Variants in SMC3 observed in about 807,000 individuals in gnomAD.
The protein encoded by SMC3 is structural maintenance of chromosomes 3, also known as structural maintenance of chromosomes protein 3.
A neutral mutation model predicts 171.8 loss-of-function variants in SMC3; 20 were observed. That is an observed-to-expected ratio of 0.12 (90% confidence interval 0.08 to 0.17). The LOEUF (loss-of-function observed/expected upper bound fraction) is 0.17. Among genes scored for constraint, SMC3 ranks in the 10% least tolerant of loss-of-function variants. SMC3 has a pLI of 1.00. For synonymous variants in SMC3, 464 were observed against 451.1 expected, an observed-to-expected ratio of 1.03 and a Z score of -0.36; for missense variants, 543 against 1,420.4, an observed-to-expected ratio of 0.38 and a Z score of 9.93.
At chr10:110,570,601 GTT>G (rs1303228313) in intron 2 of SMC3, among the ~76,000 whole-genome samples, 8 of 151,950 alleles carry the variant, frequency 5.3e-5, no homozygotes, top group Non-Finnish European at 1.0e-4. Context: ...TTAGATTTCT[GTT>G]TTCTTTAACT....
rs543051199 is a variant in SMC3 at position 110,604,110 on chromosome 10, A to C, written c.3583-121A>C. ...ACTCCATCTCAAAAAAAAAAAAAAA[A>C]AAAAAAACTAAAAATTAAAAAATGT... On this transcript the variant is annotated intron_variant, in intron 28 of 28. Transcript: ENST00000361804. 148 of 534,878 alleles carry C rather than the reference A, an allele frequency of 2.8e-4. No individual in the cohort carries two copies. The East Asian group carries it at 3.7e-3, about 13-fold the overall frequency. The allele number at this position is 534,878 out of a possible 1,614,324, so 33.1% of individuals were successfully genotyped here. A position where few individuals can be genotyped will look rare whatever the true frequency, so the allele number is the denominator to read the frequency against.
At chr10:110,568,836 GT>G (rs1460664711) in intron 1 of SMC3, 101 bp from the exon 2 acceptor site, 3 of 702,782 alleles carry the variant, frequency 4.3e-6, no homozygotes, top group Non-Finnish European at 7.5e-6. Flanking sequence ...GAAATTTCGA[GT>G]TTTCTATATT....
At chr10:110,575,207 A>G in intron 3 of SMC3, 129 bp from the exon 4 acceptor site, 1 of 713,342 alleles carries the variant, frequency 1.4e-6, no homozygotes, top group Non-Finnish European at 2.5e-6. Flanking sequence ...CCTTTTGTCC[A>G]TATGAAACAG....
At chr10:110,585,569 G>A (rs1257371621) in intron 13 of SMC3, among the ~76,000 whole-genome samples, 5 of 151,682 alleles carry the variant, frequency 3.3e-5, no homozygotes, top group African/African-American at 9.7e-5. Context: ...GATTGCAGGC[G>A]TGAGCCACCA....
chr10:110,582,540 G>A (rs1303864853), intron 9 of SMC3, 22 bp from the exon 10 acceptor site: 22 of 1,569,118 alleles, frequency 1.4e-5, no homozygotes, highest in Non-Finnish European at 1.8e-5. Flanking sequence ...AGTTAGATAT[G>A]ATAAGTTGTT....
chr10:110,596,915 G>A (rs1421739081), intron 19 of SMC3, among the ~76,000 whole-genome samples: 1 of 151,050 alleles, frequency 6.6e-6, no homozygotes, highest in Non-Finnish European at 1.5e-5. Context: ...AAGAGATACT[G>A]TTTTAAGGAA....
intron 18 of SMC3, among the ~76,000 whole-genome samples, chr10:110,594,104 G>T (rs1414609216): frequency 1.6e-4 from 1 of 6,434 alleles, no homozygotes; most frequent in Non-Finnish European, 7.8e-4. Flanking sequence ...TCTGAAATGT[G>T]ATCATATAGC....
At chr10:110,596,000 G>C (rs2134744634) in intron 18 of SMC3, among the ~76,000 whole-genome samples, 1 of 140,626 alleles carries the variant, frequency 7.1e-6, no homozygotes, top group East Asian at 2.1e-4. Context: ...ATACTTAAGA[G>C]GCTAAAGCAT....
At chr10:110,596,353 G>T (rs1225539185) in intron 18 of SMC3, 45 bp from the exon 19 acceptor site, 1 of 1,528,378 alleles carries the variant, frequency 6.5e-7, no homozygotes, top group South Asian at 1.3e-5. Context: ...ATTTATCATT[G>T]AATAAAAAAG....
At chr10:110,600,586 G>C (rs769825810) in intron 22 of SMC3, 40 bp downstream of exon 22, 13 of 984,298 alleles carry the variant, frequency 1.3e-5, no homozygotes, top group Non-Finnish European at 2.0e-5. Context: ...AGGGCTCCTT[G>C]GTGGCCATGA....
rs1479533016 is a variant in SMC3 at position 110,602,561 on chromosome 10, A to C, written c.3193A>C (p.Ser1065Arg). The C allele has an allele frequency of 5.0e-6, 8 of 1,613,338 alleles. No homozygotes were observed. The highest frequency in any genetic ancestry group is 6.8e-6 in the Non-Finnish European group (8 of 1,179,386). Reference sequence around the variant, plus strand: ...GATGAAGAAAGGAGATGTGGAGGGCAGTCAGTCTCAAGATGAAGGAGAAGG... The same window carrying C: ...GATGAAGAAAGGAGATGTGGAGGGCCGTCAGTCTCAAGATGAAGGAGAAGG... ...LVMKKGDVEG[S>R]QSQDEGEGSG... Residue 1065 changes from serine to arginine, a missense_variant, in exon 26 of 29, where the codon AGT becomes CGT. Coordinates refer to ENST00000361804, the MANE Select transcript of SMC3 (RefSeq NM_005445.4).
chr10:110,579,595 C>T (rs1282284509), intron 7 of SMC3, among the ~76,000 whole-genome samples: 3 of 152,146 alleles, frequency 2.0e-5, no homozygotes, highest in Admixed American at 6.5e-5. Flanking sequence ...AACACTTACA[C>T]TGTTAGGATA....
At chr10:110,569,216 A>T (rs1001841137) in intron 2 of SMC3, among the ~76,000 whole-genome samples, 6 of 150,248 alleles carry the variant, frequency 4.0e-5, no homozygotes, top group Non-Finnish European at 5.9e-5. Context: ...AGACACTCAT[A>T]AGTTATCCAT....
chr10:110,577,597 G>A (rs909865856), intron 5 of SMC3, 105 bp downstream of exon 5: 2 of 801,210 alleles, frequency 2.5e-6, no homozygotes, highest in Non-Finnish European at 4.1e-6. Context: ...TATAATTACA[G>A]TTTATATACT....
chr10:110,591,540 T>G (rs17127584), intron 17 of SMC3, among the ~76,000 whole-genome samples: 3,416 of 152,294 alleles, frequency 0.022, 141 homozygotes, highest in African/African-American at 0.078. Flanking sequence ...ATGTATAGTT[T>G]AAAAGTGTCT....
rs1376347636 is a variant in SMC3, at chr10:110,583,623, G to A, written c.969+75G>A. On this transcript the variant is annotated intron_variant, in intron 11 of 28. Transcript: ENST00000361804. ...AACTGTAGAAGACAGCCCTTTCTGTGACTGGTGTGTGTTGGAATTTTTTTT... is the reference window on the plus strand; with the variant it reads ...AACTGTAGAAGACAGCCCTTTCTGTAACTGGTGTGTGTTGGAATTTTTTTT... 4 of 1,505,566 alleles carry A rather than the reference G, an allele frequency of 2.7e-6. No individual in the cohort carries two copies. In the Admixed American group the frequency reaches 5.2e-5, roughly 19 times the overall value. 93.3% of individuals were successfully genotyped at this position (1,505,566 alleles called of 1,614,324 possible). A position where few individuals can be genotyped will look rare whatever the true frequency, so the allele number is the denominator to read the frequency against.
chr10:110,594,204 T>A, intron 18 of SMC3, among the ~76,000 whole-genome samples: 1 of 134,310 alleles, frequency 7.4e-6, no homozygotes, highest in African/African-American at 3.0e-5. Context: ...TTTTTAAATT[T>A]ATTTTTTTTT....
At chr10:110,577,791 C>T (rs757295221) in intron 5 of SMC3, 44 bp from the exon 6 acceptor site, 5 of 1,368,088 alleles carry the variant, frequency 3.7e-6, no homozygotes, top group South Asian at 1.2e-5. Context: ...AAAGTTTTCT[C>T]CTTTACTATT....
rs1002039686 is a variant in SMC3, at chr10:110,592,980, G to C, written c.1813-93G>C. 6 of 1,081,596 alleles carry C rather than the reference G, an allele frequency of 5.5e-6. No individual in the cohort carries two copies. The Admixed American group carries it at 8.9e-5, about 16-fold the overall frequency. 67.0% of individuals were successfully genotyped at this position (1,081,596 alleles called of 1,614,324 possible). ...GTTTTGAAATATAATGGTGTTTATGGTTTATTTGTATTTCATAAAGATGTA... is the reference window on the plus strand; with the variant it reads ...GTTTTGAAATATAATGGTGTTTATGCTTTATTTGTATTTCATAAAGATGTA... On this transcript the variant is annotated intron_variant, in intron 17 of 28. Transcript: ENST00000361804.
Sources: allele counts gnomAD v4.1 joint callset (sites outside exome capture counted in the v4.1 genomes callset), GRCh38; gene constraint gnomAD v4.1.1; transcripts MANE v1.5; gene names NCBI Gene and HGNC (gene_info 2026-07-23, HGNC 2026-07-21).